The following MPPED1 variants were observed in gnomAD, a reference collection of about 807,000 sequenced individuals.
MPPED1 encodes metallophosphoesterase domain-containing protein 1.
A neutral mutation model predicts 36.2 loss-of-function variants in MPPED1; 16 were observed. The observed-to-expected ratio is 0.44, with a 90% confidence interval of 0.30 to 0.67. The LOEUF is 0.67. Among genes scored for constraint, MPPED1 ranks in the 30% least tolerant of loss-of-function variants. MPPED1 has a pLI of 0.10. For synonymous variants in MPPED1, 199 were observed against 191.3 expected (o/e 1.04, Z -0.33); for missense variants, 307 against 453.4 (o/e 0.68, Z 2.93).
At chr22:43,451,282 G>C (rs998314489) in intron 3 of MPPED1, among the ~76,000 whole-genome samples, 2 of 152,136 alleles carry the variant, frequency 1.3e-5, no homozygotes, top group Non-Finnish European at 2.9e-5. Context: ...TGCAATTACC[G>C]GTGTGAGCCG....
chr22:43,434,243 CT>C (rs1313238962), intron 2 of MPPED1, among the ~76,000 whole-genome samples: 3 of 152,256 alleles, frequency 2.0e-5, no homozygotes, highest in African/African-American at 7.2e-5. Context: ...AAAGCCTGGT[CT>C]TCTGACTCCA....
chr22:43,412,853 A>G (rs955783505), intron 1 of MPPED1, among the ~76,000 whole-genome samples: 2 of 152,226 alleles, frequency 1.3e-5, no homozygotes, highest in Non-Finnish European at 2.9e-5. Flanking sequence ...TTGTTCTGGG[A>G]CATGTTACGG....
intron 1 of MPPED1, among the ~76,000 whole-genome samples, chr22:43,422,016 C>A (rs2146815815): frequency 6.6e-6 from 1 of 152,258 alleles, no homozygotes; most frequent in Non-Finnish European, 1.5e-5. Flanking sequence ...CCGGAGCTGA[C>A]ACATGGGGTG....
chr22:43,420,328 C>T (rs147133240), intron 1 of MPPED1, among the ~76,000 whole-genome samples: 2 of 152,314 alleles, frequency 1.3e-5, no homozygotes, highest in Non-Finnish European at 2.9e-5. Context: ...GGACTTAGCA[C>T]TTCCCCTCCC....
Position 43,502,604 on chromosome 22 carries a change from C to G in MPPED1, c.749-40C>G, listed in dbSNP as rs1266476828. 3 of 1,546,924 alleles carry G rather than the reference C, an allele frequency of 1.9e-6. No individual in the cohort carries two copies. Among genetic ancestry groups the G allele is most frequent in the Non-Finnish European group, 2.7e-6 (3 of 1,120,482 alleles). On this transcript the variant is annotated intron_variant, in intron 5 of 6. Transcript: ENST00000443721. The surrounding 1 kb of genome is among the most constrained non-coding windows in gnomAD (Gnocchi z 5.5). The stretch of plus-strand genomic sequence containing the variant: ...GGCGTGGGGCAGTGAGGGGCTGGGA[C>G]AGACCGCGTCATGGCCTCCTGTTGT...
intron 3 of MPPED1, among the ~76,000 whole-genome samples, chr22:43,445,244 A>G (rs908999808): frequency 6.6e-6 from 1 of 152,164 alleles, no homozygotes; most frequent in African/African-American, 2.4e-5. Flanking sequence ...AATAACAACA[A>G]ATATTTATTT....
chr22:43,469,376 C>T (rs963400714), intron 3 of MPPED1, among the ~76,000 whole-genome samples: 1 of 118,808 alleles, frequency 8.4e-6, no homozygotes, highest in Admixed American at 8.7e-5. Flanking sequence ...CAAAACACTC[C>T]CCTCATTCAC....
At chr22:43,447,664 C>T (rs905282885) in intron 3 of MPPED1, among the ~76,000 whole-genome samples, 23 of 151,200 alleles carry the variant, frequency 1.5e-4, no homozygotes, top group African/African-American at 3.9e-4. Context: ...TTTATCCTCA[C>T]GACTGGCCTA....
At chr22:43,477,183 C>T (rs980914977) in intron 4 of MPPED1, among the ~76,000 whole-genome samples, 1 of 152,190 alleles carries the variant, frequency 6.6e-6, no homozygotes, top group Non-Finnish European at 1.5e-5. Flanking sequence ...ATGTCTGAAC[C>T]TCTGTTATGT....
At chr22:43,503,080 T>C (rs1054293242) in intron 6 of MPPED1, among the ~76,000 whole-genome samples, 1 of 152,138 alleles carries the variant, frequency 6.6e-6, no homozygotes, top group Admixed American at 6.5e-5. Context: ...ATTTGAGCCG[T>C]GACATGGAGG....
intron 4 of MPPED1, among the ~76,000 whole-genome samples, chr22:43,491,797 AGGTGGTGGTGAT>A (rs1932108851): frequency 9.4e-6 from 1 of 105,890 alleles, no homozygotes; most frequent in Admixed American, 9.5e-5. Context: ...GTAATGATTG[AGGTGGTGGTGAT>A]GGTGGTGATG....
At chr22:43,484,267 C>T (rs1383068215) in intron 4 of MPPED1, among the ~76,000 whole-genome samples, 1 of 152,248 alleles carries the variant, frequency 6.6e-6, no homozygotes, top group East Asian at 1.9e-4. Flanking sequence ...GTCTGCCTAG[C>T]AACAGGCAAG....
chr22:43,435,004 C>G, intron 2 of MPPED1, 30 bp from the exon 3 acceptor site: 1 of 1,605,914 alleles, frequency 6.2e-7, no homozygotes, highest in Non-Finnish European at 8.5e-7. Context: ...TCCATGGCCT[C>G]CTGATCCGCA....
intron 3 of MPPED1, among the ~76,000 whole-genome samples, chr22:43,446,756 G>A (rs890041578): frequency 6.6e-6 from 1 of 152,166 alleles, no homozygotes; most frequent in Non-Finnish European, 1.5e-5. Flanking sequence ...CTAACCTAGG[G>A]CGCAAGGCTG....
Position 43,476,584 on chromosome 22 carries a change from G to T in MPPED1, c.632+1623G>T, listed in dbSNP as rs933122718. Among the ~76,000 whole-genome samples, 15 of 152,182 alleles carry T rather than the reference G, an allele frequency of 9.9e-5. 1 individual carries two copies. Among genetic ancestry groups the T allele is most frequent in the Admixed American group, 2.6e-4 (4 of 15,284 alleles). ...CATGGTGACCACCTAGTGGCTGGAG[G>T]CGGCAGGCAGATTTAGGACCTGGTT... is the stretch of plus-strand genomic sequence containing the variant. On this transcript the variant is annotated intron_variant, in intron 4 of 6. Transcript: ENST00000443721.
At chr22:43,421,022 A>G (rs1442804943) in intron 1 of MPPED1, among the ~76,000 whole-genome samples, 1 of 152,172 alleles carries the variant, frequency 6.6e-6, no homozygotes, top group African/African-American at 2.4e-5. Flanking sequence ...CCCCATCAGG[A>G]TGCATGACTT....
At chr22:43,414,003 C>A (rs6003190) in intron 1 of MPPED1, among the ~76,000 whole-genome samples, 1 of 152,132 alleles carries the variant, frequency 6.6e-6, no homozygotes, top group Admixed American at 6.5e-5. Flanking sequence ...GATGTAACCA[C>A]CCCGTGGTAC....
intron 3 of MPPED1, among the ~76,000 whole-genome samples, chr22:43,473,198 G>T (rs1351466632): frequency 6.6e-6 from 1 of 151,272 alleles, no homozygotes; most frequent in African/African-American, 2.5e-5. Flanking sequence ...TTGTCCCAGG[G>T]GACAGACCAC....
At chr22:43,465,796 G>A (rs1015779543) in intron 3 of MPPED1, among the ~76,000 whole-genome samples, 1 of 152,190 alleles carries the variant, frequency 6.6e-6, no homozygotes, top group African/African-American at 2.4e-5. Context: ...CAGCAGATGC[G>A]GATGCCAGGA....
Sources: allele counts gnomAD v4.1 joint callset (sites outside exome capture counted in the v4.1 genomes callset), GRCh38; gene constraint gnomAD v4.1.1; non-coding constraint Gnocchi (gnomAD v3.1); transcripts MANE v1.5; gene names NCBI Gene and HGNC (gene_info 2026-07-23, HGNC 2026-07-21).